Variants in NECAP1 observed in about 807,000 individuals in gnomAD.
NECAP1 encodes the protein NECAP endocytosis associated 1.
NECAP1 carries 13 observed loss-of-function variants against 33.4 expected under a neutral mutation model. The observed-to-expected ratio is 0.39, with a 90% CI of 0.25 to 0.62. The LOEUF is 0.62. Among genes scored for constraint, NECAP1 ranks in the 20% least tolerant of loss-of-function variants. NECAP1 has a pLI of 0.52. For synonymous variants in NECAP1, 109 were observed against 125.2 expected, an observed-to-expected ratio of 0.87 and a Z score of 0.86; for missense variants, 272 against 347.4, an observed-to-expected ratio of 0.78 and a Z score of 1.73.
intron 4 of NECAP1, 199 bp downstream of exon 4, chr12:8,092,049 T>G: frequency 1.8e-6 from 1 of 569,724 alleles, no homozygotes; most frequent in Non-Finnish European, 3.1e-6. Flanking sequence ...TAGCCTGCAA[T>G]ATATTTCAGA....
At chr12:8,095,530 G>A in intron 6 of NECAP1, 71 bp from the exon 7 acceptor site, 3 of 1,253,194 alleles carry the variant, frequency 2.4e-6, no homozygotes, top group East Asian at 2.6e-5. Context: ...TTACAGGCGT[G>A]AGCCACCGCG....
At chr12:8,092,083 G>C in intron 4 of NECAP1, 1 of 506,112 alleles carries the variant, frequency 2.0e-6, no homozygotes, top group South Asian at 2.2e-5. Context: ...AGTTTGAAAT[G>C]ATGCTCTGTC....
At chr12:8,086,165 C>T (rs1212014701) in intron 1 of NECAP1, among the ~76,000 whole-genome samples, 1 of 152,162 alleles carries the variant, frequency 6.6e-6, no homozygotes, top group Admixed American at 6.5e-5. Context: ...AAAGGACAAA[C>T]TGGGCTTTTT....
rs777506273 is a variant in NECAP1, at chr12:8,091,826, A to G, written c.359A>G (p.Asn120Ser). Residue 120 changes from asparagine (N) to serine (S), a missense_variant, in exon 4 of 8, where the codon AAT (asparagine) becomes AGT (serine). Physicochemically the swap from Asn to Ser is conservative, Grantham distance 46. Transcript: ENST00000339754. ...GATCGGGGAGATGCCTTCGACTTTA[A>G]TGTCTCCTTGCAGGATCACTTCAAG... ...FTDRGDAFDF[N>S]VSLQDHFKWV... 2 of 1,613,746 alleles carry G rather than the reference A, an allele frequency of 1.2e-6. No homozygotes were observed. The highest frequency in any genetic ancestry group is 1.1e-5 in the South Asian group (1 of 90,872).
chr12:8,087,855 G>A (rs1947506210), intron 1 of NECAP1, among the ~76,000 whole-genome samples: 2 of 152,150 alleles, frequency 1.3e-5, no homozygotes, highest in South Asian at 4.1e-4. Flanking sequence ...AAGAGAATGG[G>A]AAGGACTTAT....
intron 7 of NECAP1, 84 bp from the exon 8 acceptor site, chr12:8,095,958 G>T: frequency 1.3e-6 from 2 of 1,530,666 alleles, no homozygotes; most frequent in South Asian, 2.3e-5. Context: ...TCTAGGCAGT[G>T]ATTTCTTAGA....
At chr12:8,084,336 A>G (rs1180019078) in intron 1 of NECAP1, among the ~76,000 whole-genome samples, 5 of 152,210 alleles carry the variant, frequency 3.3e-5, no homozygotes, top group Non-Finnish European at 7.3e-5. Context: ...AGTTACAGGT[A>G]CTATATGAGT....
chr12:8,084,928 A>G (rs1460358002), intron 1 of NECAP1, among the ~76,000 whole-genome samples: 1 of 152,176 alleles, frequency 6.6e-6, no homozygotes, highest in Non-Finnish European at 1.5e-5. Context: ...TGAACTGTTA[A>G]ATAAGGTCAA....
intron 6 of NECAP1, 176 bp from the exon 7 acceptor site, chr12:8,095,425 T>C: frequency 2.8e-5 from 11 of 394,518 alleles, no homozygotes; most frequent in South Asian, 2.4e-4. Flanking sequence ...ATTTTTTGTA[T>C]TTTTAGTAGA....
intron 1 of NECAP1, 116 bp downstream of exon 1, chr12:8,082,499 G>T (rs1222359856): frequency 1.4e-5 from 13 of 922,996 alleles, no homozygotes; most frequent in Middle Eastern, 2.2e-4. Context: ...CACCTTGCTA[G>T]CCTCCCTACC....
chr12:8,087,990 TTAAG>T (rs1035540123), intron 1 of NECAP1, among the ~76,000 whole-genome samples: 8 of 152,204 alleles, frequency 5.3e-5, no homozygotes, highest in African/African-American at 1.7e-4. Context: ...TTTTTAGTCT[TTAAG>T]TATTAGTCTT....
intron 1 of NECAP1, 106 bp downstream of exon 1, chr12:8,082,489 C>CT (rs1947448714): frequency 9.8e-7 from 1 of 1,019,980 alleles, no homozygotes; most frequent in East Asian, 2.7e-5. Context: ...TCTGTATTGT[C>CT]ACCTTGCTAG....
Position 8,083,421 on chromosome 12 carries a change from C to CTT in NECAP1, c.95+1063_95+1064dup, listed in dbSNP as rs71042328. On this transcript the variant is annotated intron_variant, in intron 1 of 7. Transcript: ENST00000339754. Reference sequence around the variant, plus strand: ...CAGTTACAAATACTATTTGTTTGTTCTTTTTTTTTTTTTTTTTTTTTTTTT... The same window carrying CTT: ...CAGTTACAAATACTATTTGTTTGTTCTTTTTTTTTTTTTTTTTTTTTTTTTTT... Among the ~76,000 whole-genome samples the CTT allele has an allele frequency of 2.2e-3, 144 of 65,844 alleles. 8 individuals carry two copies. The highest frequency in any genetic ancestry group is 2.7e-3 in the African/African-American group (43 of 15,846). The allele number at this position is 65,844 out of a possible 152,430, so 43.2% of individuals were successfully genotyped here. A position where few individuals can be genotyped will look rare whatever the true frequency, so the allele number is the denominator to read the frequency against.
In NECAP1 at chr12:8,090,020, C is replaced by A. The variant is rs374460096; in HGVS notation, c.180C>A (p.Leu60=). 6.2e-7 allele frequency: 1 copy of A among 1,613,722 alleles called. No individual in the cohort carries two copies. Residue 60 remains leucine, a synonymous_variant, in exon 2 of 8, where the codon CTC becomes CTA. Coordinates refer to ENST00000339754, the MANE Select transcript of NECAP1 (RefSeq NM_015509.4). ...AAGGGAAGACTGCCTATATCAAACT[C>A]GAGGATAAAGTTTCAGGTAATCTTT... is the stretch of plus-strand genomic sequence containing the variant. ...TSKGKTAYIK[L]EDKVSGELFA...
At chr12:8,082,534 T>A in intron 1 of NECAP1, 151 bp downstream of exon 1, 1 of 656,174 alleles carries the variant, frequency 1.5e-6, no homozygotes, top group Non-Finnish European at 2.7e-6. Flanking sequence ...CCTGACCACC[T>A]GCTCCATCTC....
At position 8,096,596 on chromosome 12, in the gene NECAP1, G is replaced by A. The variant is rs1348950568; in HGVS notation, c.*506G>A. ...TGTTTACAAATTCAGAATTTTGATA[G>A]GGGTAGATATGGAGAAAGACCTATT... On this transcript the variant is annotated 3_prime_UTR_variant, in exon 8 of 8. Coordinates refer to ENST00000339754, the MANE Select transcript of NECAP1 (RefSeq NM_015509.4). The A allele has an allele frequency of 6.5e-6, 1 of 153,816 alleles. No individual in the cohort carries two copies. Among genetic ancestry groups the A allele is most frequent in the Non-Finnish European group, 1.5e-5 (1 of 68,782 alleles). 9.5% of individuals were successfully genotyped at this position (153,816 alleles called of 1,614,324 possible).
rs1947600168 is a variant in NECAP1 at position 8,096,931 on chromosome 12, A to G, written c.*841A>G. 2 of 152,568 alleles carry G rather than the reference A, an allele frequency of 1.3e-5. No homozygotes were observed. The highest frequency in any genetic ancestry group is 4.1e-4 in the South Asian group (2 of 4,820). The allele number at this position is 152,568 out of a possible 1,614,324, so 9.5% of individuals were successfully genotyped here. On this transcript the variant is annotated 3_prime_UTR_variant, in exon 8 of 8. Transcript: ENST00000339754. ...CATTTGAAGCATGGCATTAATTTGT[A>G]TTTGCCCTGTTCTTTGACCTAAAGT...
At chr12:8,087,784 C>A (rs189334816) in intron 1 of NECAP1, among the ~76,000 whole-genome samples, 46 of 152,190 alleles carry the variant, frequency 3.0e-4, no homozygotes, top group Admixed American at 3.0e-3. Context: ...AACTTTAGAG[C>A]TCTCTAATCT....
intron 5 of NECAP1, 38 bp downstream of exon 5, chr12:8,092,822 TC>T (rs1319451567): frequency 6.3e-7 from 1 of 1,597,556 alleles, no homozygotes. Context: ...TTCCTGTGCT[TC>T]CATAAGCCTA....
Sources: gnomAD v4.1 joint callset for allele counts (sites outside exome capture counted in the v4.1 genomes callset) on GRCh38, gnomAD v4.1.1 for gene constraint, MANE v1.5 for transcripts, NCBI Gene and HGNC (gene_info 2026-07-23, HGNC 2026-07-21) for gene names.